Variants in ZBTB16 observed in about 807,000 individuals in gnomAD.
ZBTB16 encodes zinc finger and BTB domain containing 16.
In ZBTB16, 8 loss-of-function variants were observed where a neutral mutation model predicts 56.8. The ratio of observed to expected loss-of-function variants is 0.14; its 90% CI spans 0.08 to 0.25. The LOEUF (loss-of-function observed/expected upper bound fraction) is 0.25. Ranked by LOEUF, ZBTB16 falls within the 10% of genes least tolerant of loss-of-function variation. ZBTB16 has a pLI of 1.00. For missense variants in ZBTB16, 625 were observed against 903.0 expected (o/e 0.69, Z 3.95); for synonymous variants, 363 against 368.5 (o/e 0.98, Z 0.17).
At chr11:114,124,236 A>AT (rs1565637839) in intron 2 of ZBTB16, among the ~76,000 whole-genome samples, 1 of 151,932 alleles carries the variant, frequency 6.6e-6, no homozygotes, top group Non-Finnish European at 1.5e-5. Context: ...AGCCTTCTTT[A>AT]TTTTTTAATA....
At chr11:114,151,794 T>C (rs1029393690) in intron 2 of ZBTB16, among the ~76,000 whole-genome samples, 4 of 152,180 alleles carry the variant, frequency 2.6e-5, no homozygotes, top group Admixed American at 2.0e-4. Flanking sequence ...CTGCATAGGA[T>C]GGAAGTGGGC....
intron 3 of ZBTB16, among the ~76,000 whole-genome samples, chr11:114,169,760 G>A (rs1942902571): frequency 6.6e-6 from 1 of 152,216 alleles, no homozygotes; most frequent in Admixed American, 6.5e-5. Flanking sequence ...GGCATTTAGA[G>A]TGGGGAGAAG....
At chr11:114,248,553 C>T (rs1343477705) in intron 6 of ZBTB16, among the ~76,000 whole-genome samples, 4 of 152,178 alleles carry the variant, frequency 2.6e-5, no homozygotes, top group Admixed American at 6.5e-5. Flanking sequence ...AAAACAAAGA[C>T]GCCCCCTCTG....
intron 3 of ZBTB16, among the ~76,000 whole-genome samples, chr11:114,186,419 T>G (rs928847668): frequency 6.6e-6 from 1 of 152,058 alleles, no homozygotes; most frequent in Non-Finnish European, 1.5e-5. Context: ...TGGACCTTGT[T>G]CTCCAGGCAC....
At chr11:114,079,011 G>A (rs1304993929) in intron 2 of ZBTB16, among the ~76,000 whole-genome samples, 1 of 151,492 alleles carries the variant, frequency 6.6e-6, no homozygotes, top group Non-Finnish European at 1.5e-5. Context: ...AGTCGGGAGA[G>A]GCTGAGGCAG....
At chr11:114,165,792 G>A (rs1329051829) in intron 3 of ZBTB16, among the ~76,000 whole-genome samples, 3 of 152,154 alleles carry the variant, frequency 2.0e-5, no homozygotes, top group Non-Finnish European at 4.4e-5. Context: ...ACTTAGTGGG[G>A]TGGCTCAGGG....
chr11:114,237,825 CA>C (rs1260385527), intron 4 of ZBTB16, among the ~76,000 whole-genome samples: 7 of 152,192 alleles, frequency 4.6e-5, no homozygotes, highest in Non-Finnish European at 8.8e-5. Flanking sequence ...CCCACTTTTC[CA>C]TTTTTTTAAA....
intron 3 of ZBTB16, 36 bp from the exon 4 acceptor site, chr11:114,186,916 A>G (rs530317678): frequency 2.1e-5 from 33 of 1,605,688 alleles, no homozygotes; most frequent in African/African-American, 2.7e-5. Context: ...CCAGTGGACT[A>G]TTGCTCTAGT....
In ZBTB16 at chr11:114,252,267, C is replaced by T. The variant is rs503768; in HGVS notation, c.*1712C>T. Among the ~76,000 whole-genome samples, 44,491 of 151,760 alleles carry T rather than the reference C, an allele frequency of 0.29. 6,923 individuals are homozygous for T. Among genetic ancestry groups the T allele is most frequent in the East Asian group, 0.54 (2,761 of 5,118 alleles). ...AGAATCCCACCTTTCTTACAATTTGCTGGGCCATTGAGGTTTGAGGGCCTG... is the reference window on the plus strand; with the variant it reads ...AGAATCCCACCTTTCTTACAATTTGTTGGGCCATTGAGGTTTGAGGGCCTG... On this transcript the variant is annotated 3_prime_UTR_variant, in exon 7 of 7. Transcript: ENST00000335953.
rs13377218 is a variant in ZBTB16 at position 114,093,665 on chromosome 11, G to A, written c.1268+29097G>A. The stretch of plus-strand genomic sequence containing the variant: ...GTGCCACTTCTGTGTCCAGCAGCTG[G>A]AGCTTGTAGAAGAAAGATGGGAAAG... On this transcript the variant is annotated intron_variant, in intron 2 of 6. Coordinates refer to ENST00000335953, the MANE Select transcript of ZBTB16 (RefSeq NM_006006.6). Among the ~76,000 whole-genome samples, 856 of 152,320 alleles carry A rather than the reference G, an allele frequency of 5.6e-3. 5 individuals are homozygous for A. The highest frequency in any genetic ancestry group is 0.019 in the African/African-American group (780 of 41,570).
chr11:114,071,876 T>A (rs1939361211), intron 2 of ZBTB16, among the ~76,000 whole-genome samples: 1 of 152,224 alleles, frequency 6.6e-6, no homozygotes, highest in African/African-American at 2.4e-5. Flanking sequence ...ACTGTCCAGG[T>A]CAGACTTCTG....
intron 4 of ZBTB16, among the ~76,000 whole-genome samples, chr11:114,202,042 G>A (rs150392732): frequency 6.6e-5 from 10 of 152,222 alleles, no homozygotes; most frequent in Non-Finnish European, 1.5e-4. Context: ...AGGTGCCTCA[G>A]TTTCCCACTG....
chr11:114,183,290 C>T (rs1261947993), intron 3 of ZBTB16, among the ~76,000 whole-genome samples: 1 of 152,104 alleles, frequency 6.6e-6, no homozygotes, highest in Non-Finnish European at 1.5e-5. Context: ...GGTGGAGTGG[C>T]GGGACTTTGA....
At chr11:114,096,925 G>A (rs1274526721) in intron 2 of ZBTB16, among the ~76,000 whole-genome samples, 1 of 152,112 alleles carries the variant, frequency 6.6e-6, no homozygotes, top group Non-Finnish European at 1.5e-5. Context: ...TTCTGGGAGT[G>A]TTATGTGTAT....
chr11:114,076,305 A>G (rs949158713), intron 2 of ZBTB16, among the ~76,000 whole-genome samples: 4 of 152,166 alleles, frequency 2.6e-5, no homozygotes, highest in African/African-American at 9.7e-5. Flanking sequence ...GAAGGACTAG[A>G]GTGGCCAGCG....
At chr11:114,226,230 G>A (rs191832398) in intron 4 of ZBTB16, among the ~76,000 whole-genome samples, 1 of 152,276 alleles carries the variant, frequency 6.6e-6, no homozygotes, top group East Asian at 1.9e-4. Context: ...CTCTAATGCT[G>A]TTCCCCAGGG....
intron 2 of ZBTB16, among the ~76,000 whole-genome samples, chr11:114,119,910 T>G (rs1396058669): frequency 1.3e-5 from 2 of 152,194 alleles, no homozygotes; most frequent in Non-Finnish European, 2.9e-5. Context: ...GCACGCTGCC[T>G]CCTTCTAGCA....
intron 2 of ZBTB16, among the ~76,000 whole-genome samples, chr11:114,089,717 C>G (rs574680826): frequency 6.6e-6 from 1 of 152,202 alleles, no homozygotes; most frequent in Non-Finnish European, 1.5e-5. Flanking sequence ...GGGGAATCAT[C>G]TTTTTGCATC....
At position 114,063,956 on chromosome 11, in the gene ZBTB16, A is replaced by G; in HGVS notation, c.656A>G (p.Gln219Arg). ...IGQSLLQGTL[Q>R]PPAGPEEPTL... ...CAGTCTCTCCTGCAGGGAACTCTTC[A>G]GCCACCTGCAGGGCCCGAGGAGCCA... is the stretch of plus-strand genomic sequence containing the variant. The change falls in exon 2 of 7, where the codon CAG becomes CGG. Residue 219 changes from glutamine to arginine, a missense_variant. Gln to Arg is a conservative substitution (Grantham distance 43). Coordinates refer to ENST00000335953, the MANE Select transcript of ZBTB16 (RefSeq NM_006006.6). The surrounding 1 kb of genome is among the most constrained non-coding windows in gnomAD (Gnocchi z 6.5). 1 of 1,613,776 alleles carries G rather than the reference A, an allele frequency of 6.2e-7. No individual in the cohort carries two copies. The highest frequency in any genetic ancestry group is 8.5e-7 in the Non-Finnish European group (1 of 1,180,008).
Sources: allele counts gnomAD v4.1 joint callset (sites outside exome capture counted in the v4.1 genomes callset), GRCh38; gene constraint gnomAD v4.1.1; non-coding constraint Gnocchi (gnomAD v3.1); transcripts MANE v1.5; gene names NCBI Gene and HGNC (gene_info 2026-07-23, HGNC 2026-07-21).